The following AKAP13 variants were observed in gnomAD, a reference collection of about 807,000 sequenced individuals.
AKAP13 encodes the protein A-kinase anchor protein 13.
Under a neutral mutation model 264.5 loss-of-function variants are expected in AKAP13, and 80 were observed. That is an observed-to-expected ratio of 0.30 (90% CI 0.25 to 0.36). AKAP13 has a LOEUF of 0.36. AKAP13 is among the 10% of genes least tolerant of loss of function. The pLI, the probability that AKAP13 is intolerant of heterozygous loss-of-function variation, is 1.00. For missense variants in AKAP13, 3,712 were observed against 3,435.2 expected (o/e 1.08, Z -2.01); for synonymous variants, 1,380 against 1,250.2 (o/e 1.10, Z -2.19).
chr15:85,399,465 C>T (rs1477143339), intron 1 of AKAP13, among the ~76,000 whole-genome samples: 13 of 132,888 alleles, frequency 9.8e-5, no homozygotes, highest in Admixed American at 1.6e-4. Flanking sequence ...CACTGCAGTC[C>T]GCAGTCCGGC....
chr15:85,682,006 C>T, intron 14 of AKAP13, 152 bp from the exon 15 acceptor site: 7 of 670,134 alleles, frequency 1.0e-5, no homozygotes, highest in Admixed American at 3.1e-5. Context: ...TTAATTTTTC[C>T]TTCTTTCAAA....
At chr15:85,677,719 T>C (rs1403595206) in intron 14 of AKAP13, among the ~76,000 whole-genome samples, 1 of 151,550 alleles carries the variant, frequency 6.6e-6, no homozygotes, top group African/African-American at 2.4e-5. Flanking sequence ...TGGCGCGATC[T>C]TGCCTCCCAG....
At chr15:85,601,434 C>G (rs1038261597) in intron 8 of AKAP13, among the ~76,000 whole-genome samples, 4 of 152,158 alleles carry the variant, frequency 2.6e-5, no homozygotes, top group Admixed American at 1.3e-4. Flanking sequence ...TCACATATAA[C>G]TAAAGGCATT....
chr15:85,643,949 A>G (rs1317547227), intron 9 of AKAP13, among the ~76,000 whole-genome samples: 2 of 152,220 alleles, frequency 1.3e-5, no homozygotes, highest in Non-Finnish European at 2.9e-5. Context: ...GCACATAGCG[A>G]CAGGACTGTC....
At chr15:85,408,112 G>T (rs2071763788) in intron 1 of AKAP13, among the ~76,000 whole-genome samples, 1 of 151,660 alleles carries the variant, frequency 6.6e-6, no homozygotes, top group African/African-American at 2.4e-5. Context: ...ATTCATTCTG[G>T]CATGGGAGAG....
chr15:85,693,062 C>T, intron 16 of AKAP13: 1 of 713,508 alleles, frequency 1.4e-6, no homozygotes, highest in Non-Finnish European at 2.1e-6. Context: ...AACTGTTCCG[C>T]CTGCCCAGTT....
intron 1 of AKAP13, among the ~76,000 whole-genome samples, chr15:85,443,120 A>C (rs2073768826): frequency 6.6e-6 from 1 of 152,012 alleles, no homozygotes; most frequent in African/African-American, 2.4e-5. Flanking sequence ...TTTAAGAAAG[A>C]TAGTTCTCCC....
At chr15:85,481,200 G>C (rs11074272) in intron 1 of AKAP13, among the ~76,000 whole-genome samples, 16,932 of 151,978 alleles carry the variant, frequency 0.11, 1,354 homozygotes, top group South Asian at 0.33. Context: ...TTTTTACATA[G>C]TTCTTTGCAG....
intron 10 of AKAP13, among the ~76,000 whole-genome samples, chr15:85,654,023 A>G (rs2082986262): frequency 6.6e-6 from 1 of 152,146 alleles, no homozygotes; most frequent in Non-Finnish European, 1.5e-5. Context: ...AGCCACTGGT[A>G]TGTTTCAACA....
At chr15:85,416,166 G>A (rs1052806246) in intron 1 of AKAP13, among the ~76,000 whole-genome samples, 7 of 152,154 alleles carry the variant, frequency 4.6e-5, no homozygotes, top group Admixed American at 2.6e-4. Context: ...AGAGTTTATT[G>A]TACTATGTAT....
chr15:85,395,952 C>T (rs2071087964), intron 1 of AKAP13, among the ~76,000 whole-genome samples: 1 of 151,932 alleles, frequency 6.6e-6, no homozygotes, highest in Admixed American at 6.6e-5. Flanking sequence ...AACAATGGCA[C>T]ATAATAGTTG....
chr15:85,495,859 G>T (rs1368617273), intron 2 of AKAP13, among the ~76,000 whole-genome samples: 1 of 152,132 alleles, frequency 6.6e-6, no homozygotes, highest in Non-Finnish European at 1.5e-5. Context: ...AAAACATCCT[G>T]ATAATAGAAG....
chr15:85,467,466 TACAC>T (rs945720051), intron 1 of AKAP13, among the ~76,000 whole-genome samples: 2 of 152,280 alleles, frequency 1.3e-5, no homozygotes, highest in African/African-American at 4.8e-5. Context: ...TCTGTGAACA[TACAC>T]ACAGTTTTAT....
intron 1 of AKAP13, among the ~76,000 whole-genome samples, chr15:85,414,252 T>G (rs2072126370): frequency 6.6e-6 from 1 of 152,200 alleles, no homozygotes; most frequent in Non-Finnish European, 1.5e-5. Flanking sequence ...AAATTTAAAC[T>G]GTTGTAAAGA....
rs2079146668 is a variant in AKAP13, at chr15:85,581,842, T to C, written c.3774T>C (p.Ala1258=). 6.2e-7 allele frequency: 1 copy of C among 1,614,108 alleles called. No individual in the cohort carries two copies. Among genetic ancestry groups the C allele is most frequent in the African/African-American group, 1.3e-5 (1 of 74,948 alleles). The change falls in exon 7 of 37, where the codon GCT becomes GCC. Residue 1258 remains alanine (A), a synonymous_variant. Transcript: ENST00000394518. The part of the protein sequence containing the change: ...IEEAASRIVD[A]VIEQVKAAGA... ...AGGCTGCCAGCCGTATAGTGGATGC[T>C]GTCATCGAACAAGTCAAGGCCGCTG...
chr15:85,748,435 C>T lies in AKAP13; in HGVS notation c.*3758C>T, dbSNP rs1014321692. On this transcript the variant is annotated 3_prime_UTR_variant, in exon 37 of 37. Transcript: ENST00000394518. ...GTGCCTTGCCTTCCTTCAGCAGGAC[C>T]GTCTAGGTGCGCAGCCACCTATGGA... The T allele has an allele frequency of 6.6e-6, 1 of 152,200 alleles. No individual in the cohort carries two copies. Among genetic ancestry groups the T allele is most frequent in the Non-Finnish European group, 1.5e-5 (1 of 68,044 alleles). The allele number at this position is 152,200 out of a possible 1,614,324, so 9.4% of individuals were successfully genotyped here.
intron 1 of AKAP13, among the ~76,000 whole-genome samples, chr15:85,485,316 C>A (rs993289018): frequency 6.6e-6 from 1 of 152,112 alleles, no homozygotes; most frequent in African/African-American, 2.4e-5. Flanking sequence ...TTCCAGGCTC[C>A]CTAGTAAGAC....
intron 5 of AKAP13, among the ~76,000 whole-genome samples, chr15:85,560,313 A>AT (rs931690461): frequency 1.9e-4 from 28 of 150,698 alleles, no homozygotes; most frequent in South Asian, 6.3e-4. Flanking sequence ...GGCCGGGCTA[A>AT]TTTTTTTTTG....
At chr15:85,487,721 A>G (rs1303622001) in intron 2 of AKAP13, among the ~76,000 whole-genome samples, 4 of 148,958 alleles carry the variant, frequency 2.7e-5, no homozygotes, top group African/African-American at 9.9e-5. Context: ...GTGCGCCACC[A>G]TGCCTGGCTA....
Sources: gnomAD v4.1 joint callset for allele counts (sites outside exome capture counted in the v4.1 genomes callset) on GRCh38, gnomAD v4.1.1 for gene constraint, MANE v1.5 for transcripts, NCBI Gene and HGNC (gene_info 2026-07-23, HGNC 2026-07-21) for gene names.